BAZ2B: variants seen among roughly 807,000 people sequenced by gnomAD.
BAZ2B encodes bromodomain adjacent to zinc finger domain protein 2B.
BAZ2B carries 91 observed loss-of-function variants against 246.0 expected under a neutral mutation model. The observed-to-expected ratio is 0.37, with a 90% CI of 0.31 to 0.44. The LOEUF (loss-of-function observed/expected upper bound fraction) is 0.44, where lower values mean the gene tolerates loss of function less well. Ranked by LOEUF, BAZ2B falls within the 20% of genes least tolerant of loss-of-function variation. BAZ2B has a pLI of 1.00. For synonymous variants in BAZ2B, 855 were observed against 860.0 expected, an observed-to-expected ratio of 0.99 and a Z score of 0.10; for missense variants, 2,332 against 2,533.7, an observed-to-expected ratio of 0.92 and a Z score of 1.71.
chr2:159,520,104 A>G (rs1324383714), intron 2 of BAZ2B, among the ~76,000 whole-genome samples: 1 of 152,172 alleles, frequency 6.6e-6, no homozygotes, highest in African/African-American at 2.4e-5. Context: ...ATTTTATTAT[A>G]CAAGAAAAAA....
intron 2 of BAZ2B, among the ~76,000 whole-genome samples, chr2:159,478,963 A>C (rs896544375): frequency 1.3e-5 from 2 of 152,192 alleles, no homozygotes; most frequent in East Asian, 3.8e-4. Context: ...TAGTGGTTTG[A>C]ATATAGTAAT....
chr2:159,452,522 T>G (rs1034364331), intron 4 of BAZ2B, among the ~76,000 whole-genome samples: 2 of 152,198 alleles, frequency 1.3e-5, no homozygotes, highest in African/African-American at 4.8e-5. Context: ...CAGATTTAAA[T>G]TCAGGCCTAT....
chr2:159,362,990 C>T (rs1184368454), intron 27 of BAZ2B, among the ~76,000 whole-genome samples: 1 of 152,064 alleles, frequency 6.6e-6, no homozygotes, highest in Non-Finnish European at 1.5e-5. Flanking sequence ...GTGAGAACAC[C>T]AGCAGGAGGA....
At chr2:159,389,280 A>G in intron 21 of BAZ2B, 65 bp downstream of exon 21, 17 of 1,427,614 alleles carry the variant, frequency 1.2e-5, no homozygotes, top group Non-Finnish European at 1.6e-5. Context: ...TGGCAAAGAA[A>G]TCAGGTAAGA....
intron 1 of BAZ2B, among the ~76,000 whole-genome samples, chr2:159,575,798 G>T (rs1685153212): frequency 6.6e-6 from 1 of 152,030 alleles, no homozygotes; most frequent in African/African-American, 2.4e-5. Context: ...ATGTACTCAA[G>T]AATATCATTT....
intron 30 of BAZ2B, 56 bp from the exon 31 acceptor site, chr2:159,347,702 A>G: frequency 2.1e-6 from 3 of 1,405,234 alleles, no homozygotes; most frequent in East Asian, 4.9e-5. Context: ...TTCCCCACAG[A>G]GACCTCTTCC....
chr2:159,598,044 G>C (rs1691176489), intron 1 of BAZ2B, among the ~76,000 whole-genome samples: 1 of 150,022 alleles, frequency 6.7e-6, no homozygotes, highest in South Asian at 2.1e-4. Context: ...ACCTAGGCTG[G>C]ATGCAGTGGC....
At chr2:159,408,745 C>T (rs2066352991) in intron 14 of BAZ2B, among the ~76,000 whole-genome samples, 1 of 152,078 alleles carries the variant, frequency 6.6e-6, no homozygotes, top group Non-Finnish European at 1.5e-5. Flanking sequence ...ATGGTGAAAA[C>T]CGAACTCTAC....
chr2:159,564,261 T>TA (rs1482536365), intron 1 of BAZ2B, among the ~76,000 whole-genome samples: 1 of 148,760 alleles, frequency 6.7e-6, no homozygotes, highest in Non-Finnish European at 1.5e-5. Flanking sequence ...TGCCCAGGGC[T>TA]AGTGCAGAGT....
intron 1 of BAZ2B, among the ~76,000 whole-genome samples, chr2:159,594,255 A>C (rs1690087840): frequency 6.6e-6 from 1 of 152,154 alleles, no homozygotes; most frequent in African/African-American, 2.4e-5. Context: ...AAATACAAAA[A>C]AATCAGCCAG....
At chr2:159,352,781 C>T (rs562667384) in intron 27 of BAZ2B, among the ~76,000 whole-genome samples, 18 of 152,244 alleles carry the variant, frequency 1.2e-4, no homozygotes, top group African/African-American at 3.9e-4. Context: ...CCACTGTGCC[C>T]GGTCAATGTC....
At chr2:159,423,454 T>C (rs2069161481) in intron 13 of BAZ2B, among the ~76,000 whole-genome samples, 1 of 152,204 alleles carries the variant, frequency 6.6e-6, no homozygotes, top group South Asian at 2.1e-4. Flanking sequence ...GGAAAGGCAA[T>C]GTGGAGATTC....
chr2:159,436,179 T>C (rs1353463030), intron 8 of BAZ2B, among the ~76,000 whole-genome samples: 1 of 152,194 alleles, frequency 6.6e-6, no homozygotes, highest in African/African-American at 2.4e-5. Context: ...TAAGTTTTCC[T>C]TCTAAATATA....
At chr2:159,623,380 AAAAAC>A in the BAZ2B span, among the ~76,000 whole-genome samples, 13 of 152,302 alleles carry the variant, frequency 8.5e-5, 1 homozygote, top group Middle Eastern at 0.01. Flanking sequence ...AAAAAAAACA[AAAAAC>A]AAAAAACCAC....
rs1363010524 is a variant in BAZ2B, at chr2:159,319,136, C to A, written c.*1129G>T. The A allele has an allele frequency of 6.6e-6, 1 of 152,574 alleles. No individual in the cohort carries two copies. 9.5% of individuals were successfully genotyped at this position (152,574 alleles called of 1,614,324 possible). A position where few individuals can be genotyped will look rare whatever the true frequency, so the allele number is the denominator to read the frequency against. On this transcript the variant is annotated 3_prime_UTR_variant, in exon 37 of 37. Transcript: ENST00000392783. The surrounding 1 kb of genome is among the most constrained non-coding windows in gnomAD (Gnocchi z 4.0). ...AAAAATCTGATCTATTTGCCTCCAA[C>A]AGGCCACCACAACACACAGTAGATA...
the BAZ2B span, among the ~76,000 whole-genome samples, chr2:159,649,060 C>A: frequency 6.6e-6 from 1 of 152,114 alleles, no homozygotes; most frequent in African/African-American, 2.4e-5. Context: ...ATTTGCATTT[C>A]TCTAATTACT....
chr2:159,361,947 G>A (rs185562853), intron 27 of BAZ2B, among the ~76,000 whole-genome samples: 148 of 150,156 alleles, frequency 9.9e-4, no homozygotes, highest in African/African-American at 3.5e-3. Flanking sequence ...ACACACTGGG[G>A]CCTGTCGGGG....
chr2:159,622,258 T>C, the BAZ2B span, among the ~76,000 whole-genome samples: 2 of 68,114 alleles, frequency 2.9e-5, no homozygotes, highest in African/African-American at 9.6e-5. Context: ...GAGTGAGTAC[T>C]GTCTCAAAAA....
chr2:159,473,924 G>A (rs530078746), intron 3 of BAZ2B, among the ~76,000 whole-genome samples: 35 of 152,294 alleles, frequency 2.3e-4, no homozygotes, highest in Admixed American at 2.3e-3. Flanking sequence ...TGGTCTGAGA[G>A]ACTGTTTGTT....
Sources: allele counts gnomAD v4.1 joint callset (sites outside exome capture counted in the v4.1 genomes callset), GRCh38; gene constraint gnomAD v4.1.1; non-coding constraint Gnocchi (gnomAD v3.1); transcripts MANE v1.5; gene names NCBI Gene and HGNC (gene_info 2026-07-23, HGNC 2026-07-21).